NSF: variants seen among roughly 807,000 people sequenced by gnomAD.
NSF encodes vesicle-fusing ATPase.
Under a neutral mutation model 50.3 loss-of-function variants are expected in NSF, and 14 were observed. The ratio of observed to expected loss-of-function variants is 0.28; its 90% CI spans 0.18 to 0.44. The LOEUF (loss-of-function observed/expected upper bound fraction) is 0.44, where lower values mean the gene tolerates loss of function less well. Ranked by LOEUF, NSF falls within the 20% of genes least tolerant of loss-of-function variation. The pLI is 1.00. For missense variants in NSF, 218 were observed against 504.3 expected (o/e 0.43, Z 5.44); for synonymous variants, 109 against 175.7 (o/e 0.62, Z 3.00).
intron 15 of NSF, among the ~76,000 whole-genome samples, chr17:46,716,470 G>T (rs960495756): frequency 2.6e-5 from 4 of 152,080 alleles, no homozygotes; most frequent in Non-Finnish European, 5.9e-5. Context: ...TGTTAGCCAG[G>T]ATGGTCTTGA....
At chr17:46,733,892 G>A (rs2058974666) in intron 17 of NSF, among the ~76,000 whole-genome samples, 1 of 152,196 alleles carries the variant, frequency 6.6e-6, no homozygotes. Flanking sequence ...CTTCCTCGCT[G>A]CTCTGACACC....
chr17:46,726,657 A>G, intron 16 of NSF, 42 bp downstream of exon 16: 1 of 1,510,216 alleles, frequency 6.6e-7, no homozygotes, highest in Non-Finnish European at 9.2e-7. Context: ...TTGCCACATT[A>G]CAGCTAATAT....
chr17:46,675,570 G>A (rs2058395606), intron 9 of NSF, among the ~76,000 whole-genome samples: 1 of 122,550 alleles, frequency 8.2e-6, no homozygotes, highest in African/African-American at 3.5e-5. Flanking sequence ...AAACGATTAT[G>A]GAGGCTGACA....
chr17:46,708,023 C>A (rs1474726308), intron 13 of NSF, among the ~76,000 whole-genome samples: 2 of 147,626 alleles, frequency 1.4e-5, no homozygotes, highest in Admixed American at 6.7e-5. Flanking sequence ...CAGAGCAAGA[C>A]CCTGTCTCAA....
intron 17 of NSF, among the ~76,000 whole-genome samples, chr17:46,736,244 C>T (rs760027961): frequency 6.6e-6 from 1 of 152,190 alleles, no homozygotes; most frequent in African/African-American, 2.4e-5. Context: ...ACAGGAATTG[C>T]CAAGATCAGT....
chr17:46,703,933 C>T, intron 12 of NSF, among the ~76,000 whole-genome samples: 1 of 150,640 alleles, frequency 6.6e-6, no homozygotes, highest in East Asian at 2.0e-4. Context: ...ATATCAGCTA[C>T]TCCAGGAACC....
intron 15 of NSF, 42 bp from the exon 16 acceptor site, chr17:46,726,507 G>C: frequency 6.4e-7 from 1 of 1,572,116 alleles, no homozygotes; most frequent in Non-Finnish European, 8.8e-7. Context: ...TGTCGTAACT[G>C]TGGAGGACAG....
intron 13 of NSF, among the ~76,000 whole-genome samples, chr17:46,709,732 T>G (rs917838241): frequency 6.6e-6 from 1 of 152,108 alleles, no homozygotes. Flanking sequence ...ATACCTCAGG[T>G]GATCCACCCG....
chr17:46,631,061 T>TACACACACACACACAC (rs61399986), intron 4 of NSF, among the ~76,000 whole-genome samples: 1,439 of 122,686 alleles, frequency 0.012, 31 homozygotes, highest in African/African-American at 0.024. Flanking sequence ...TCTCTCTCTG[T>TACACACACACACACAC]ACACACACAC....
At chr17:46,649,536 G>A (rs569304132) in intron 8 of NSF, among the ~76,000 whole-genome samples, 2,613 of 151,020 alleles carry the variant, frequency 0.017, 181 homozygotes, top group African/African-American at 0.061. Context: ...GAAGTGAAGC[G>A]GTTGGTGTTT....
intron 17 of NSF, among the ~76,000 whole-genome samples, chr17:46,746,635 C>G (rs1278108879): frequency 6.6e-6 from 1 of 152,000 alleles, no homozygotes. Flanking sequence ...ATTCCTTTTT[C>G]ATTTTCCAAG....
chr17:46,725,038 T>A (rs1209826160), intron 15 of NSF, among the ~76,000 whole-genome samples: 1 of 152,222 alleles, frequency 6.6e-6, no homozygotes, highest in Non-Finnish European at 1.5e-5. Context: ...TTAAATGATA[T>A]GAGGATACAG....
intron 1 of NSF, among the ~76,000 whole-genome samples, chr17:46,606,036 G>A (rs1201316189): frequency 1.8e-5 from 2 of 110,620 alleles, no homozygotes. Context: ...AAAATTAGCC[G>A]GGTGTGGTGG....
intron 17 of NSF, among the ~76,000 whole-genome samples, chr17:46,733,436 G>A (rs1379595946): frequency 6.6e-6 from 1 of 152,044 alleles, no homozygotes; most frequent in Non-Finnish European, 1.5e-5. Flanking sequence ...TCCTCAACAA[G>A]TGTGAGAGTA....
chr17:46,741,187 C>A (rs2059067341), intron 17 of NSF, among the ~76,000 whole-genome samples: 1 of 152,178 alleles, frequency 6.6e-6, no homozygotes, highest in Admixed American at 6.5e-5. Flanking sequence ...TTACCTCTCA[C>A]CCCAGGTTTC....
chr17:46,755,887 CT>C lies in NSF; in HGVS notation c.*66del. 1 of 1,496,856 alleles carries C rather than the reference CT, an allele frequency of 6.7e-7. No individual in the cohort carries two copies. The highest frequency in any genetic ancestry group is 9.2e-7 in the Non-Finnish European group (1 of 1,082,648). 92.7% of individuals were successfully genotyped at this position (1,496,856 alleles called of 1,614,324 possible). A position where few individuals can be genotyped will look rare whatever the true frequency, so the allele number is the denominator to read the frequency against. ...GACCAAGGTGAAGATGGCCTAGGATCTTCACTGTCTTACTCAAGATACTGGA... is the reference window on the plus strand; with the variant it reads ...GACCAAGGTGAAGATGGCCTAGGATCTCACTGTCTTACTCAAGATACTGGA... On this transcript the variant is annotated 3_prime_UTR_variant, in exon 21 of 21. Coordinates refer to ENST00000398238, the MANE Select transcript of NSF (RefSeq NM_006178.4).
chr17:46,685,411 G>A (rs1391515236), intron 9 of NSF, among the ~76,000 whole-genome samples: 1 of 151,700 alleles, frequency 6.6e-6, no homozygotes, highest in Non-Finnish European at 1.5e-5. Context: ...GGATATATAT[G>A]TGTGTTACAT....
chr17:46,751,858 C>T (rs1210477598), intron 19 of NSF, among the ~76,000 whole-genome samples: 1 of 152,078 alleles, frequency 6.6e-6, no homozygotes, highest in East Asian at 1.9e-4. Context: ...ATTTAGGGAG[C>T]CACTAGGTCT....
At chr17:46,610,027 T>TTCTCTCTCTC (rs1555666763) in intron 1 of NSF, among the ~76,000 whole-genome samples, 19 of 109,538 alleles carry the variant, frequency 1.7e-4, no homozygotes, top group African/African-American at 5.6e-4. Flanking sequence ...CTTTCTTTCT[T>TTCTCTCTCTC]TCTCTCTCTC....
Sources: gnomAD v4.1 joint callset for allele counts (sites outside exome capture counted in the v4.1 genomes callset) on GRCh38, gnomAD v4.1.1 for gene constraint, MANE v1.5 for transcripts, NCBI Gene and HGNC (gene_info 2026-07-23, HGNC 2026-07-21) for gene names.